Variants in ALS2CL observed in about 807,000 individuals in gnomAD.
The protein encoded by ALS2CL is ALS2 C-terminal like, also known as ALS2 C-terminal-like protein.
Under a neutral mutation model 127.9 loss-of-function variants are expected in ALS2CL, and 112 were observed. That is an observed-to-expected ratio of 0.88 (90% CI 0.75 to 1.02). ALS2CL has a LOEUF of 1.02. Among genes scored for constraint, ALS2CL ranks in the 50% least tolerant of loss-of-function variants. The pLI is 0.00. For synonymous variants in ALS2CL, 519 were observed against 527.6 expected (o/e 0.98, Z 0.22); for missense variants, 1,174 against 1,236.7 (o/e 0.95, Z 0.76).
rs1337223936 is a variant in ALS2CL, at chr3:46,670,053, GC to G, written c.*930del. On this transcript the variant is annotated 3_prime_UTR_variant, in exon 26 of 26. Coordinates refer to ENST00000318962, the MANE Select transcript of ALS2CL (RefSeq NM_147129.5). The surrounding 1 kb of genome is among the most constrained non-coding windows in gnomAD (Gnocchi z 5.5). ...GGACACTTTCAGAACACATCACACT[GC>G]CTGTCATCATGCATCTCCGGCTAGG... The G allele has an allele frequency of 6.6e-6, 1 of 152,250 alleles. No individual in the cohort carries two copies. The highest frequency in any genetic ancestry group is 2.4e-5 in the African/African-American group (1 of 41,426). 9.4% of individuals were successfully genotyped at this position (152,250 alleles called of 1,614,324 possible).
chr3:46,673,271 CA>C, intron 22 of ALS2CL, 67 bp downstream of exon 22: 1 of 1,423,212 alleles, frequency 7.0e-7, no homozygotes. Flanking sequence ...AATCATGAGG[CA>C]AAGGGCTCCT....
rs149150920 is a variant in ALS2CL at position 46,671,024 on chromosome 3, T to C, written c.2822A>G (p.His941Arg). 1.5e-4 allele frequency: 247 copies of C among 1,614,176 alleles called. No homozygotes were observed. Among genetic ancestry groups the C allele is most frequent in the Non-Finnish European group, 2.0e-4 (236 of 1,180,024 alleles). The change falls in exon 26 of 26, where the codon CAC becomes CGC. Residue 941 changes from histidine to arginine, a missense_variant. By Grantham distance (29) the His-to-Arg change is conservative (BLOSUM62 0). Coordinates refer to ENST00000318962, the MANE Select transcript of ALS2CL (RefSeq NM_147129.5). The stretch of plus-strand genomic sequence containing the variant: ...GGAGTGCCAGTGGCCAGGTAAGCGG[T>C]GCAGCCTCATGTCTTCTTTCTGGAT... ...EHIQKEDMRL[H>R]RLPGHWHSRE... is the part of the protein sequence containing the mutation.
At chr3:46,678,977 G>A (rs953209072) in intron 15 of ALS2CL, among the ~76,000 whole-genome samples, 1 of 152,186 alleles carries the variant, frequency 6.6e-6, no homozygotes, top group African/African-American at 2.4e-5. Flanking sequence ...ACACAGCCAG[G>A]AGACCACCGG....
rs758962095 is a variant in ALS2CL, at chr3:46,671,544, T to C, written c.2725A>G (p.Met909Val). 2 of 1,613,992 alleles carry C rather than the reference T, an allele frequency of 1.2e-6. No homozygotes were observed. The highest frequency in any genetic ancestry group is 1.6e-4 in the Middle Eastern group (1 of 6,062). The change falls in exon 25 of 26, where the codon ATG (methionine) becomes GTG (valine). Residue 909 changes from methionine (M) to valine (V), a missense_variant. Transcript: ENST00000318962. ...LGAEIHLIRD[M>V]MDPNHTGGLY... ...CCTCCTGTGTGGTTGGGGTCCATCA[T>C]GTCACGGATCAGGTGGATCTCGGCT... is the stretch of plus-strand genomic sequence containing the variant.
Position 46,680,528 on chromosome 3 carries a change from T to A in ALS2CL, c.1450A>T (p.Ile484Phe). ...EEDGDRGERY[I>F]GMWQAGQRHG... Reference sequence around the variant, plus strand: ...CGCTGACCAGCCTGCCACATGCCAATGTAGCGCTCACCTCTGGAAGGAGAG... The same window carrying A: ...CGCTGACCAGCCTGCCACATGCCAAAGTAGCGCTCACCTCTGGAAGGAGAG... The change falls in exon 14 of 26, where the codon ATT becomes TTT. Residue 484 changes from isoleucine (I) to phenylalanine (F), a missense_variant. By Grantham distance (21) the Ile-to-Phe change is conservative. Transcript: ENST00000318962. 6.2e-7 allele frequency: 1 copy of A among 1,612,580 alleles called. No homozygotes were observed. Among genetic ancestry groups the A allele is most frequent in the Non-Finnish European group, 8.5e-7 (1 of 1,179,940 alleles).
intron 22 of ALS2CL, among the ~76,000 whole-genome samples, chr3:46,672,720 C>T (rs554242538): frequency 2.0e-5 from 3 of 152,204 alleles, no homozygotes; most frequent in Non-Finnish European, 4.4e-5. Flanking sequence ...TCTGGCCAAG[C>T]GCAGTGGCTC....
In ALS2CL at chr3:46,681,356, G is replaced by A. The variant is rs377034259; in HGVS notation, c.1326C>T (p.His442=). The change falls in exon 13 of 26, where the codon CAC becomes CAT. Residue 442 remains histidine (H), a synonymous_variant. Transcript: ENST00000318962. The surrounding 1 kb of genome is among the most constrained non-coding windows in gnomAD (Gnocchi z 4.9). ...GACCACTCTCAAGGACCCCAAATCC[G>A]TGCCGCAGGCCCTCCTGGAAGTAGC... ...YKGYFQEGLR[H]GFGVLESGPQ... 28 of 1,610,062 alleles carry A rather than the reference G, an allele frequency of 1.7e-5. No homozygotes were observed. Among genetic ancestry groups the A allele is most frequent in the East Asian group, 1.3e-4 (6 of 44,732 alleles).
Position 46,680,522 on chromosome 3 carries a change from T to A in ALS2CL, c.1456A>T (p.Met486Leu), listed in dbSNP as rs1288332053. ...CCGTGGCGCTGACCAGCCTGCCACA[T>A]GCCAATGTAGCGCTCACCTCTGGAA... The part of the protein sequence containing the change: ...DGDRGERYIG[M>L]WQAGQRHGPG... The change falls in exon 14 of 26, where the codon ATG becomes TTG. Residue 486 changes from methionine to leucine, a missense_variant. Met to Leu is a conservative substitution (Grantham distance 15, BLOSUM62 2). Coordinates refer to ENST00000318962, the MANE Select transcript of ALS2CL (RefSeq NM_147129.5). The A allele has an allele frequency of 6.2e-7, 1 of 1,612,766 alleles. No individual in the cohort carries two copies. Among genetic ancestry groups the A allele is most frequent in the Admixed American group, 1.7e-5 (1 of 60,006 alleles).
In ALS2CL at chr3:46,680,453, T is replaced by C. The variant is rs1210565466; in HGVS notation, c.1525A>G (p.Thr509Ala). The C allele has an allele frequency of 5.6e-6, 9 of 1,613,406 alleles. No individual in the cohort carries two copies. Among genetic ancestry groups the C allele is most frequent in the South Asian group, 1.1e-5 (1 of 91,076 alleles). ...ACCACCGTCTTGTCCGCCTGGAAGGTGCCCTGGTAGCAGACACCTGCCTGG... is the reference window on the plus strand; with the variant it reads ...ACCACCGTCTTGTCCGCCTGGAAGGCGCCCTGGTAGCAGACACCTGCCTGG... Reference protein sequence around the residue: ...VTQAGVCYQGTFQADKTVGPG... With the variant: ...VTQAGVCYQGAFQADKTVGPG... Residue 509 changes from threonine (T) to alanine (A), a missense_variant, in exon 14 of 26, where the codon ACC becomes GCC. Transcript: ENST00000318962.
chr3:46,677,847 G>T (rs1698986105), intron 16 of ALS2CL, among the ~76,000 whole-genome samples: 1 of 152,158 alleles, frequency 6.6e-6, no homozygotes, highest in African/African-American at 2.4e-5. Context: ...TACCTTGGCT[G>T]CCAGGAAACT....
chr3:46,683,461 C>A (rs1186370023), intron 9 of ALS2CL, 135 bp from the exon 10 acceptor site: 2 of 901,836 alleles, frequency 2.2e-6, no homozygotes, highest in South Asian at 1.7e-5. Context: ...CTTGGGGACC[C>A]TTCAACTGCT....
chr3:46,675,441 C>T, intron 20 of ALS2CL, 177 bp downstream of exon 20: 1 of 613,568 alleles, frequency 1.6e-6, no homozygotes, highest in Non-Finnish European at 2.8e-6. Flanking sequence ...TGGTTCCTCA[C>T]AGAACAGAGG....
intron 16 of ALS2CL, chr3:46,677,299 T>G (rs1698935055): frequency 7.8e-7 from 1 of 1,281,488 alleles, no homozygotes; most frequent in Non-Finnish European, 9.9e-7. Flanking sequence ...TGGGCAGATC[T>G]GGAGGCCAAG....
intron 1 of ALS2CL, among the ~76,000 whole-genome samples, chr3:46,690,945 A>G (rs7618797): frequency 0.94 from 143,808 of 152,358 alleles, 68,012 homozygotes; most frequent in East Asian, 0.99. Context: ...CCAAAGGCCC[A>G]GGCCAGGCAT....
intron 4 of ALS2CL, 21 bp from the exon 5 acceptor site, chr3:46,687,169 G>A (rs7633016): frequency 0.33 from 506,883 of 1,516,756 alleles, 90,649 homozygotes; most frequent in African/African-American, 0.69. Flanking sequence ...AGAGGGCCAC[G>A]CACCACCTTC....
chr3:46,684,930 G>C (rs1386699395), intron 7 of ALS2CL, among the ~76,000 whole-genome samples: 1 of 152,176 alleles, frequency 6.6e-6, no homozygotes, highest in Non-Finnish European at 1.5e-5. Context: ...AACCTTCTAA[G>C]GGGTAGAGAA....
intron 21 of ALS2CL, 119 bp from the exon 22 acceptor site, chr3:46,673,500 A>C: frequency 9.4e-7 from 1 of 1,062,462 alleles, no homozygotes. Flanking sequence ...GAAAAGGGGA[A>C]GGAGATCAGC....
chr3:46,677,177 G>C, intron 16 of ALS2CL, 155 bp from the exon 17 acceptor site: 1 of 1,435,074 alleles, frequency 7.0e-7, no homozygotes, highest in South Asian at 1.5e-5. Flanking sequence ...AGAGGGGGCT[G>C]ACCTCCACGG....
Position 46,681,877 on chromosome 3 carries a change from G to A in ALS2CL, c.1175+152C>T. On this transcript the variant is annotated intron_variant, in intron 11 of 25. Transcript: ENST00000318962. This position sits in a 1 kb window ranked among gnomAD's most constrained non-coding sequence, Gnocchi z 4.9. ...TATTCAGGCCCCCGGTTCCCCTTTG[G>A]TACAGTGGGCGGGGGCTGGACCGGA... is the stretch of plus-strand genomic sequence containing the variant. The A allele has an allele frequency of 9.7e-7, 1 of 1,030,172 alleles. No homozygotes were observed. Among genetic ancestry groups the A allele is most frequent in the Non-Finnish European group, 1.4e-6 (1 of 697,498 alleles). 63.8% of individuals were successfully genotyped at this position (1,030,172 alleles called of 1,614,324 possible).
Sources: allele counts gnomAD v4.1 joint callset (sites outside exome capture counted in the v4.1 genomes callset), GRCh38; gene constraint gnomAD v4.1.1; non-coding constraint Gnocchi (gnomAD v3.1); transcripts MANE v1.5; gene names NCBI Gene and HGNC (gene_info 2026-07-23, HGNC 2026-07-21).